The following CRPPA variants were observed in gnomAD, a reference collection of about 807,000 sequenced individuals.
CRPPA encodes D-ribitol-5-phosphate cytidylyltransferase.
A neutral mutation model predicts 52.0 loss-of-function variants in CRPPA; 43 were observed. The observed-to-expected ratio is 0.83, with a 90% CI of 0.65 to 1.07. The LOEUF is 1.07. Ranked by LOEUF, CRPPA falls within the 50% of genes least tolerant of loss-of-function variation. The pLI, the probability that CRPPA is intolerant of heterozygous loss-of-function variation, is 0.00. For synonymous variants in CRPPA, 250 were observed against 203.5 expected, an observed-to-expected ratio of 1.23 and a Z score of -1.94; for missense variants, 629 against 551.7, an observed-to-expected ratio of 1.14 and a Z score of -1.40.
intron 9 of CRPPA, among the ~76,000 whole-genome samples, chr7:16,188,003 C>G (rs572101848): frequency 6.6e-6 from 1 of 151,010 alleles, no homozygotes; most frequent in Admixed American, 6.6e-5. Context: ...AAATGAGGAC[C>G]TGAACCAATG....
chr7:16,353,105 C>G (rs991160071), intron 3 of CRPPA, among the ~76,000 whole-genome samples: 1 of 151,920 alleles, frequency 6.6e-6, no homozygotes, highest in African/African-American at 2.4e-5. Context: ...CCTGTAATCC[C>G]AGCACTTTGG....
At chr7:16,109,838 G>A (rs539335817) in intron 9 of CRPPA, among the ~76,000 whole-genome samples, 1 of 152,058 alleles carries the variant, frequency 6.6e-6, no homozygotes, top group East Asian at 1.9e-4. Context: ...GAAACATTAT[G>A]CCACAGCTAA....
intron 3 of CRPPA, among the ~76,000 whole-genome samples, chr7:16,314,213 T>C (rs1785094798): frequency 6.6e-6 from 1 of 152,060 alleles, no homozygotes; most frequent in African/African-American, 2.4e-5. Flanking sequence ...AAGCACTGTT[T>C]TATATCCTTG....
chr7:16,387,080 T>TACAC (rs1562671665), intron 2 of CRPPA, among the ~76,000 whole-genome samples: 71 of 36,368 alleles, frequency 2.0e-3, no homozygotes, highest in African/African-American at 8.3e-3. Flanking sequence ...TATATATATA[T>TACAC]ATATATACAC....
At chr7:16,314,311 C>G (rs1785097387) in intron 3 of CRPPA, among the ~76,000 whole-genome samples, 1 of 152,034 alleles carries the variant, frequency 6.6e-6, no homozygotes, top group African/African-American at 2.4e-5. Context: ...TCTGTGACCA[C>G]TTTCCAATAA....
intron 3 of CRPPA, among the ~76,000 whole-genome samples, chr7:16,345,640 C>A (rs1466511113): frequency 1.3e-5 from 2 of 151,998 alleles, no homozygotes; most frequent in South Asian, 2.1e-4. Context: ...AAAAAATGAA[C>A]TTTTATGCTA....
intron 3 of CRPPA, among the ~76,000 whole-genome samples, chr7:16,320,782 T>A (rs898188897): frequency 6.6e-6 from 1 of 152,148 alleles, no homozygotes; most frequent in South Asian, 2.1e-4. Flanking sequence ...TATATTTACA[T>A]TGTTTGAATT....
At chr7:16,182,929 A>C (rs1248124849) in intron 9 of CRPPA, among the ~76,000 whole-genome samples, 1 of 152,216 alleles carries the variant, frequency 6.6e-6, no homozygotes. Flanking sequence ...GCCCAAGAAA[A>C]GTCTATCTGT....
intron 6 of CRPPA, among the ~76,000 whole-genome samples, chr7:16,268,429 A>G (rs561588650): frequency 1.1e-3 from 165 of 152,216 alleles, no homozygotes; most frequent in African/African-American, 3.6e-3. Context: ...ATCAAACCCT[A>G]TGTAATAAGC....
chr7:16,383,902 C>T (rs1182262688), intron 2 of CRPPA, among the ~76,000 whole-genome samples: 5 of 152,308 alleles, frequency 3.3e-5, no homozygotes, highest in Non-Finnish European at 4.4e-5. Context: ...GTCTGTCACC[C>T]CTTTCTTTGA....
intron 3 of CRPPA, among the ~76,000 whole-genome samples, chr7:16,350,180 A>G (rs1222846080): frequency 4.2e-4 from 64 of 152,276 alleles, no homozygotes; most frequent in Non-Finnish European, 1.5e-5. Flanking sequence ...AAGAGGTAAT[A>G]AAGACATTGT....
chr7:16,408,460 G>C (rs1788006649), intron 1 of CRPPA, among the ~76,000 whole-genome samples: 1 of 152,220 alleles, frequency 6.6e-6, no homozygotes, highest in Admixed American at 6.5e-5. Flanking sequence ...CCCGAGCAAG[G>C]AGAAGGCCCC....
chr7:16,400,797 C>T (rs1787796583), intron 2 of CRPPA, among the ~76,000 whole-genome samples: 1 of 152,192 alleles, frequency 6.6e-6, no homozygotes, highest in Non-Finnish European at 1.5e-5. Context: ...CAACATATGC[C>T]CAACACATGC....
At chr7:16,218,058 T>A (rs1056392598) in intron 8 of CRPPA, among the ~76,000 whole-genome samples, 15 of 151,768 alleles carry the variant, frequency 9.9e-5, no homozygotes, top group Non-Finnish European at 2.2e-4. Flanking sequence ...CGGGTTACCC[T>A]CAAAGGGAAG....
At chr7:16,389,913 C>CAAAAAAAAAAAAAAAAAAAAAAAAAAAA (rs1163092089) in intron 2 of CRPPA, among the ~76,000 whole-genome samples, 5 of 34,314 alleles carry the variant, frequency 1.5e-4, no homozygotes, top group Admixed American at 4.9e-4. Flanking sequence ...GCCTAGTATA[C>CAAAAAAAAAAAAAAAAAAAAAAAAAAAA]AAAAAAAAAA....
rs951409271 is a variant in CRPPA, at chr7:16,108,130, C to T, written c.1252-16331G>A. On this transcript the variant is annotated intron_variant, in intron 9 of 9. Transcript: ENST00000407010. The stretch of plus-strand genomic sequence containing the variant: ...CAAAAATGGCAGTAGTAAATCCTTA[C>T]CTATCAATAATTGCCAAGAACATAA... Among the ~76,000 whole-genome samples the T allele has an allele frequency of 7.9e-5, 12 of 152,038 alleles. No homozygotes were observed. In the East Asian group the frequency reaches 1.2e-3, roughly 15 times the overall value.
chr7:16,115,458 T>C (rs1224160935), intron 9 of CRPPA, among the ~76,000 whole-genome samples: 1 of 152,174 alleles, frequency 6.6e-6, no homozygotes, highest in Non-Finnish European at 1.5e-5. Flanking sequence ...CAGTTACAAA[T>C]GTAGAAATAG....
intron 8 of CRPPA, among the ~76,000 whole-genome samples, chr7:16,234,738 A>G (rs1458883167): frequency 1.3e-5 from 2 of 152,120 alleles, no homozygotes; most frequent in Non-Finnish European, 2.9e-5. Flanking sequence ...TCATGTTCAA[A>G]TGAACAAATG....
rs192662211 is a variant in CRPPA, at chr7:16,190,744, G to A, written c.1251+25322C>T. Among the ~76,000 whole-genome samples, 72 of 152,152 alleles carry A rather than the reference G, an allele frequency of 4.7e-4. No homozygotes were observed. The East Asian group carries it at 9.9e-3, about 21-fold the overall frequency. On this transcript the variant is annotated intron_variant, in intron 9 of 9. Transcript: ENST00000407010. ...AAGCAGTGTACACTGCATCCAATGCGTAGTCTTTTATCCCTCATCTCTCTC... is the reference window on the plus strand; with the variant it reads ...AAGCAGTGTACACTGCATCCAATGCATAGTCTTTTATCCCTCATCTCTCTC...
Sources: allele counts gnomAD v4.1 joint callset (sites outside exome capture counted in the v4.1 genomes callset), GRCh38; gene constraint gnomAD v4.1.1; transcripts MANE v1.5; gene names NCBI Gene and HGNC (gene_info 2026-07-23, HGNC 2026-07-21).